The following VARS2 variants were observed in gnomAD, a reference collection of about 807,000 sequenced individuals.
VARS2 encodes valyl-tRNA synthetase 2, mitochondrial.
In VARS2, 105 loss-of-function variants were observed where a neutral mutation model predicts 154.1. The observed-to-expected ratio is 0.68, with a 90% CI of 0.58 to 0.80. VARS2 has a LOEUF of 0.80. VARS2 is among the 30% of genes least tolerant of loss of function. The pLI is 0.00. For synonymous variants in VARS2, 483 were observed against 539.5 expected (o/e 0.90, Z 1.45); for missense variants, 1,157 against 1,361.4 (o/e 0.85, Z 2.36).
At position 30,922,204 on chromosome 6, in the gene VARS2, T is replaced by G; in HGVS notation, c.1895T>G (p.Leu632Trp). ...LLFWVGRMVM[L>W]GTQLTGQLPF... ...TTCTGGGTGGGCCGCATGGTCATGT[T>G]GGGGACCCAGCTCACAGGGCAGCTG... The change falls in exon 20 of 30, where the codon TTG (leucine) becomes TGG (tryptophan). Residue 632 changes from leucine to tryptophan, a missense_variant. Coordinates refer to ENST00000676266, the MANE Select transcript of VARS2 (RefSeq NM_020442.6). 1 of 1,612,762 alleles carries G rather than the reference T, an allele frequency of 6.2e-7. No individual in the cohort carries two copies. The highest frequency in any genetic ancestry group is 1.1e-5 in the South Asian group (1 of 91,058).
At chr6:30,923,726 G>C (rs1794678329) in intron 25 of VARS2, 1 of 612,312 alleles carries the variant, frequency 1.6e-6, no homozygotes, top group East Asian at 2.8e-5. Flanking sequence ...AGGAGGAGGA[G>C]GGAGACTTCT....
At chr6:30,914,443 TG>T in intron 1 of VARS2, 99 bp downstream of exon 1, 1 of 1,280,060 alleles carries the variant, frequency 7.8e-7, no homozygotes, top group Non-Finnish European at 9.8e-7. Flanking sequence ...CGCCGGGCTG[TG>T]GGCACTGCAG....
Position 30,926,222 on chromosome 6 carries a change from C to T in VARS2, c.*12C>T, listed in dbSNP as rs779276794. 1 of 1,612,732 alleles carries T rather than the reference C, an allele frequency of 6.2e-7. No individual in the cohort carries two copies. Among genetic ancestry groups the T allele is most frequent in the Non-Finnish European group, 8.5e-7 (1 of 1,179,714 alleles). Reference sequence around the variant, plus strand: ...GCCCGGAGCTCTAACTCATCATCCCCATCAGTTTTCCTCCCTCTCAGACCT... The same window carrying T: ...GCCCGGAGCTCTAACTCATCATCCCTATCAGTTTTCCTCCCTCTCAGACCT... On this transcript the variant is annotated 3_prime_UTR_variant, in exon 30 of 30. Coordinates refer to ENST00000676266, the MANE Select transcript of VARS2 (RefSeq NM_020442.6).
At chr6:30,923,925 C>G (rs535128048) in intron 25 of VARS2, 4 of 324,332 alleles carry the variant, frequency 1.2e-5, no homozygotes, top group African/African-American at 2.2e-5. Flanking sequence ...GACGGTGGAT[C>G]CCCCCCGCTC....
chr6:30,914,480 C>T, intron 1 of VARS2, 136 bp downstream of exon 1: 1 of 1,325,956 alleles, frequency 7.5e-7, no homozygotes, highest in African/African-American at 1.5e-5. Flanking sequence ...GTGGAGATCG[C>T]CGCGGCCCTG....
intron 25 of VARS2, 128 bp downstream of exon 25, chr6:30,923,633 C>A: frequency 7.3e-7 from 1 of 1,365,972 alleles, no homozygotes; most frequent in Non-Finnish European, 9.8e-7. Flanking sequence ...GGAGAGGAGA[C>A]GAGGGAGTCT....
chr6:30,922,880 T>C lies in VARS2; in HGVS notation c.2107-18T>C. ...GCCACAAAGGCATCTGCCACCCTTC[T>C]TCTTCCTCTGGTTGCAGAAAAAGGA... is the stretch of plus-strand genomic sequence containing the variant. On this transcript the variant is annotated intron_variant, in intron 22 of 29. Coordinates refer to ENST00000676266, the MANE Select transcript of VARS2 (RefSeq NM_020442.6). 1.3e-6 allele frequency: 2 copies of C among 1,592,940 alleles called. No homozygotes were observed. The highest frequency in any genetic ancestry group is 4.5e-5 in the East Asian group (2 of 44,566).
chr6:30,914,965 C>A lies in VARS2; in HGVS notation c.129C>A (p.Asn43Lys). The A allele has an allele frequency of 6.2e-7, 1 of 1,613,094 alleles. No homozygotes were observed. Among genetic ancestry groups the A allele is most frequent in the African/African-American group, 1.3e-5 (1 of 75,026 alleles). The change falls in exon 2 of 30, where the codon AAC (asparagine) becomes AAA (lysine). Residue 43 changes from asparagine to lysine, a missense_variant. Physicochemically the swap from Asn to Lys is moderately conservative, Grantham distance 94. Transcript: ENST00000676266. The part of the protein sequence containing the change: ...EPHGSPISRR[N>K]REAKQKRLRE... ...ATGGATCTCCCATCTCCCGGAGGAACCGTGAAGCCAAACAGAAGCGCCTGC... is the reference window on the plus strand; with the variant it reads ...ATGGATCTCCCATCTCCCGGAGGAAACGTGAAGCCAAACAGAAGCGCCTGC...
At position 30,920,527 on chromosome 6, in the gene VARS2, C is replaced by G. The variant is rs1794442769; in HGVS notation, c.1397+91C>G. 7.2e-7 allele frequency: 1 copy of G among 1,386,782 alleles called. No homozygotes were observed. The highest frequency in any genetic ancestry group is 2.4e-5 in the East Asian group (1 of 41,270). 85.9% of individuals were successfully genotyped at this position (1,386,782 alleles called of 1,614,324 possible). On this transcript the variant is annotated intron_variant, in intron 14 of 29. Transcript: ENST00000676266. The surrounding 1 kb of genome is among the most constrained non-coding windows in gnomAD (Gnocchi z 4.6). The stretch of plus-strand genomic sequence containing the variant: ...ACAATAGGATGGGCTCTGCACCCCT[C>G]CGTTAGAATACGAGCTCCGTGTCGG...
chr6:30,924,100 A>C, intron 25 of VARS2: 1 of 574,054 alleles, frequency 1.7e-6, no homozygotes, highest in Non-Finnish European at 3.1e-6. Context: ...CAAAAAACTC[A>C]ATGATTTTTT....
Position 30,914,263 on chromosome 6 carries a change from G to A in VARS2, c.-109G>A. 2.4e-6 allele frequency: 2 copies of A among 848,968 alleles called. No individual in the cohort carries two copies. Among genetic ancestry groups the A allele is most frequent in the Admixed American group, 4.3e-5 (1 of 23,296 alleles). 52.6% of individuals were successfully genotyped at this position (848,968 alleles called of 1,614,324 possible). On this transcript the variant is annotated 5_prime_UTR_variant, in exon 1 of 30. Coordinates refer to ENST00000676266, the MANE Select transcript of VARS2 (RefSeq NM_020442.6). ...GCCCCCATGCGCCGCGCGGCTCCAG[G>A]GCCACGTTCCAGGGTCGGGTTTGGT... is the stretch of plus-strand genomic sequence containing the variant.
At chr6:30,922,023 A>G (rs754002794) in intron 19 of VARS2, 28 bp downstream of exon 19, 1 of 1,612,524 alleles carries the variant, frequency 6.2e-7, no homozygotes, top group Non-Finnish European at 8.5e-7. Flanking sequence ...GGCGAAAGTG[A>G]AGGGGAAACG....
rs781553822 is a variant in VARS2, at chr6:30,921,017, C to T, written c.1480-48C>T. On this transcript the variant is annotated intron_variant, in intron 15 of 29. Coordinates refer to ENST00000676266, the MANE Select transcript of VARS2 (RefSeq NM_020442.6). This position sits in a 1 kb window ranked among gnomAD's most constrained non-coding sequence, Gnocchi z 4.6. ...GCCACTCGTCCTATCTGTGGAGGTG[C>T]GGCCGTGCAGGAAGGGCAACATTGT... is the stretch of plus-strand genomic sequence containing the variant. The T allele has an allele frequency of 1.8e-5, 28 of 1,554,214 alleles. No homozygotes were observed. The highest frequency in any genetic ancestry group is 1.6e-4 in the East Asian group (7 of 44,228).
At position 30,920,432 on chromosome 6, in the gene VARS2, T is replaced by C; in HGVS notation, c.1393T>C (p.Cys465Arg). The C allele has an allele frequency of 6.2e-7, 1 of 1,605,620 alleles. No individual in the cohort carries two copies. The highest frequency in any genetic ancestry group is 8.5e-7 in the Non-Finnish European group (1 of 1,176,972). ...LQNHPMVLPI[C>R]SRSGDVIEYL... ...GAACCACCCCATGGTACTGCCCATC[T>C]GCAGGTAACCTCATTTTAACTCCTT... Residue 465 changes from cysteine to arginine, a missense_variant, in exon 14 of 30, where the codon TGC becomes CGC. Cys to Arg is a radical substitution (Grantham distance 180). Transcript: ENST00000676266. This position sits in a 1 kb window ranked among gnomAD's most constrained non-coding sequence, Gnocchi z 4.6.
intron 25 of VARS2, 129 bp from the exon 26 acceptor site, chr6:30,924,225 A>G (rs1163255266): frequency 1.2e-6 from 1 of 823,100 alleles, no homozygotes. Flanking sequence ...TCATATCAGA[A>G]GTGCTAAGTG....
chr6:30,917,337 G>A lies in VARS2; in HGVS notation c.873+113G>A. On this transcript the variant is annotated intron_variant, in intron 9 of 29. Coordinates refer to ENST00000676266, the MANE Select transcript of VARS2 (RefSeq NM_020442.6). This position sits in a 1 kb window ranked among gnomAD's most constrained non-coding sequence, Gnocchi z 4.4. ...CTGGATTCAAATCTGATGCCTGCCT[G>A]TTACAGCTGTGTGGCTTTTGGCAGG... 1.9e-6 allele frequency: 3 copies of A among 1,539,718 alleles called. No individual in the cohort carries two copies. The South Asian group carries it at 3.5e-5, about 18-fold the overall frequency.
chr6:30,921,730 G>A lies in VARS2; in HGVS notation c.1735+39G>A. The A allele has an allele frequency of 1.3e-6, 2 of 1,565,678 alleles. No homozygotes were observed. Among genetic ancestry groups the A allele is most frequent in the East Asian group, 2.3e-5 (1 of 44,076 alleles). ...CTGGGGAGGGATGTACAGGGGAGCGGGGGCCTGGGCATCTGGGCCTTTGAG... is the reference window on the plus strand; with the variant it reads ...CTGGGGAGGGATGTACAGGGGAGCGAGGGCCTGGGCATCTGGGCCTTTGAG... On this transcript the variant is annotated intron_variant, in intron 18 of 29. Transcript: ENST00000676266. This position sits in a 1 kb window ranked among gnomAD's most constrained non-coding sequence, Gnocchi z 4.6.
chr6:30,914,739 A>C, intron 1 of VARS2, 71 bp from the exon 2 acceptor site: 2 of 1,422,696 alleles, frequency 1.4e-6, no homozygotes, highest in Non-Finnish European at 1.9e-6. Context: ...TAGAGACAGG[A>C]AAGATGGAAC....
At chr6:30,924,190 G>C (rs1794702213) in intron 25 of VARS2, 164 bp from the exon 26 acceptor site, 3 of 651,154 alleles carry the variant, frequency 4.6e-6, no homozygotes, top group Non-Finnish European at 8.2e-6. Flanking sequence ...CCTTCTTTGT[G>C]CTGAGTGTGT....
Sources: gnomAD v4.1 joint callset for allele counts on GRCh38, gnomAD v4.1.1 for gene constraint, Gnocchi (gnomAD v3.1) non-coding constraint, MANE v1.5 for transcripts, NCBI Gene and HGNC (gene_info 2026-07-23, HGNC 2026-07-21) for gene names.